Variants in LRRC1 observed in about 807,000 individuals in gnomAD.
LRRC1 encodes the protein leucine-rich repeat-containing protein 1.
LRRC1 carries 28 observed loss-of-function variants against 69.9 expected under a neutral mutation model. The observed-to-expected ratio is 0.40, with a 90% CI of 0.30 to 0.55. The LOEUF (loss-of-function observed/expected upper bound fraction) is 0.55. Ranked by LOEUF, LRRC1 falls within the 20% of genes least tolerant of loss-of-function variation. The probability of loss-of-function intolerance (pLI) is 0.47; values close to 1 mark genes in which losing one functional copy is unlikely to be tolerated. For synonymous variants in LRRC1, 236 were observed against 240.2 expected (o/e 0.98, Z 0.16); for missense variants, 498 against 609.0 (o/e 0.82, Z 1.92).
At chr6:53,812,957 A>G (rs907116245) in intron 1 of LRRC1, among the ~76,000 whole-genome samples, 21 of 151,902 alleles carry the variant, frequency 1.4e-4, no homozygotes, top group African/African-American at 5.1e-4. Flanking sequence ...AGAGTGCTCA[A>G]CTATACAGGC....
chr6:53,900,042 T>C (rs1454181598), intron 8 of LRRC1, 151 bp downstream of exon 8: 3 of 596,116 alleles, frequency 5.0e-6, no homozygotes, highest in Non-Finnish European at 4.9e-6. Flanking sequence ...TTTTTTTTTT[T>C]TTTTTTTTTT....
At chr6:53,849,119 C>G (rs1234171183) in intron 2 of LRRC1, among the ~76,000 whole-genome samples, 1 of 142,676 alleles carries the variant, frequency 7.0e-6, no homozygotes. Flanking sequence ...AGTTTGAGAA[C>G]AACACCTTTG....
intron 3 of LRRC1, among the ~76,000 whole-genome samples, chr6:53,881,189 C>T (rs775382338): frequency 6.6e-5 from 10 of 152,112 alleles, no homozygotes; most frequent in Non-Finnish European, 1.3e-4. Flanking sequence ...TTGAAGAGAC[C>T]TTAAAAATGA....
chr6:53,801,246 G>A (rs766378337), intron 1 of LRRC1, among the ~76,000 whole-genome samples: 12 of 152,186 alleles, frequency 7.9e-5, no homozygotes, highest in Admixed American at 2.0e-4. Context: ...CCATGCTACT[G>A]TTGTATTTAA....
intron 1 of LRRC1, among the ~76,000 whole-genome samples, chr6:53,808,663 A>C (rs1303040587): frequency 6.9e-6 from 1 of 145,818 alleles, no homozygotes; most frequent in Non-Finnish European, 1.5e-5. Context: ...GAAGTGATGC[A>C]GTCTAGCTCC....
intron 1 of LRRC1, among the ~76,000 whole-genome samples, chr6:53,838,426 G>A (rs1222596073): frequency 1.3e-5 from 2 of 152,220 alleles, no homozygotes. Flanking sequence ...CGTTTCCACA[G>A]ATGTAAAGTG....
chr6:53,895,733 C>T (rs911962816), intron 4 of LRRC1, among the ~76,000 whole-genome samples: 4 of 152,150 alleles, frequency 2.6e-5, no homozygotes, highest in African/African-American at 9.7e-5. Flanking sequence ...TCAAGATTTG[C>T]CCCATCTGTC....
intron 10 of LRRC1, among the ~76,000 whole-genome samples, chr6:53,910,986 G>A (rs1382435457): frequency 1.3e-5 from 2 of 152,256 alleles, no homozygotes; most frequent in African/African-American, 2.4e-5. Flanking sequence ...GTGCCTTTGT[G>A]GGGTGATTAA....
intron 1 of LRRC1, among the ~76,000 whole-genome samples, chr6:53,816,017 TA>T (rs1764941321): frequency 6.6e-6 from 1 of 152,222 alleles, no homozygotes; most frequent in Admixed American, 6.5e-5. Context: ...TGAAGTGGAA[TA>T]ACTCTGCATT....
chr6:53,917,250 T>C (rs941658920), intron 11 of LRRC1, among the ~76,000 whole-genome samples: 15 of 152,202 alleles, frequency 9.9e-5, no homozygotes, highest in African/African-American at 3.6e-4. Context: ...GTGGGCAGAC[T>C]GTTCAGGGAA....
intron 1 of LRRC1, among the ~76,000 whole-genome samples, chr6:53,825,926 G>A (rs1181262821): frequency 6.6e-6 from 1 of 151,602 alleles, no homozygotes; most frequent in East Asian, 1.9e-4. Flanking sequence ...CTTTCCTTCT[G>A]TGGTTATTGT....
intron 11 of LRRC1, among the ~76,000 whole-genome samples, chr6:53,917,597 T>C (rs578183056): frequency 6.6e-6 from 1 of 152,330 alleles, no homozygotes; most frequent in Non-Finnish European, 1.5e-5. Context: ...GAAGTTACAG[T>C]GACCACGTTT....
chr6:53,860,800 A>G (rs1384608235), intron 2 of LRRC1, among the ~76,000 whole-genome samples: 1 of 152,192 alleles, frequency 6.6e-6, no homozygotes, highest in East Asian at 1.9e-4. Context: ...TCAATGTAAG[A>G]GCAGAAATAG....
At chr6:53,844,011 G>C (rs1765865167) in intron 2 of LRRC1, among the ~76,000 whole-genome samples, 1 of 152,196 alleles carries the variant, frequency 6.6e-6, no homozygotes. Context: ...TGCCCTGGGA[G>C]TTGGATGGCA....
intron 1 of LRRC1, among the ~76,000 whole-genome samples, chr6:53,796,655 AT>A: frequency 6.6e-6 from 1 of 152,278 alleles, no homozygotes; most frequent in Non-Finnish European, 1.5e-5. Flanking sequence ...TTCTTCTTGG[AT>A]TAACTTTCCT....
At chr6:53,908,361 C>A (rs900396564) in intron 10 of LRRC1, among the ~76,000 whole-genome samples, 2 of 152,108 alleles carry the variant, frequency 1.3e-5, no homozygotes, top group Non-Finnish European at 2.9e-5. Flanking sequence ...TTCAGTCAGG[C>A]AACCTGTAAA....
chr6:53,828,490 T>C lies in LRRC1; in HGVS notation c.160-13620T>C, dbSNP rs185360058. On this transcript the variant is annotated intron_variant, in intron 1 of 13. Coordinates refer to ENST00000370888, the MANE Select transcript of LRRC1 (RefSeq NM_018214.5). ...GATCTAGGCCTCCTCTCTCACCCTG[T>C]GTTCCTTTTGTGCACAGTTTAGGTC... 7.9e-5 allele frequency among the ~76,000 whole-genome samples: 12 copies of C among 152,366 alleles called. No homozygotes were observed. In the East Asian group the frequency reaches 2.3e-3, roughly 29 times the overall value.
At chr6:53,853,429 C>T (rs548251098) in intron 2 of LRRC1, among the ~76,000 whole-genome samples, 22 of 151,930 alleles carry the variant, frequency 1.4e-4, no homozygotes, top group East Asian at 7.8e-4. Context: ...GGATTACAGG[C>T]GCTCACCACC....
intron 4 of LRRC1, chr6:53,884,115 A>G (rs1292397567): frequency 3.5e-5 from 23 of 654,736 alleles, no homozygotes; most frequent in Middle Eastern, 2.5e-4. Flanking sequence ...CTCTAGGTGT[A>G]TGGTATCAGT....
Sources: allele counts gnomAD v4.1 joint callset (sites outside exome capture counted in the v4.1 genomes callset), GRCh38; gene constraint gnomAD v4.1.1; transcripts MANE v1.5; gene names NCBI Gene and HGNC (gene_info 2026-07-23, HGNC 2026-07-21).